The following FBXO15 variants were observed in gnomAD, a reference collection of about 807,000 sequenced individuals.
The protein encoded by FBXO15 is F-box protein 15, also known as F-box only protein 15.
A neutral mutation model predicts 49.5 loss-of-function variants in FBXO15; 30 were observed. That is an observed-to-expected ratio of 0.61 (90% CI 0.45 to 0.82). The LOEUF is 0.82. Ranked by LOEUF, FBXO15 falls within the 40% of genes least tolerant of loss-of-function variation. FBXO15 has a pLI of 0.00. For synonymous variants in FBXO15, 250 were observed against 232.7 expected, an observed-to-expected ratio of 1.07 and a Z score of -0.68; for missense variants, 591 against 631.5, an observed-to-expected ratio of 0.94 and a Z score of 0.69.
chr18:74,136,907 G>C (rs1192676063), intron 2 of FBXO15, among the ~76,000 whole-genome samples: 1 of 152,054 alleles, frequency 6.6e-6, no homozygotes, highest in Non-Finnish European at 1.5e-5. Flanking sequence ...AATTTAAAAG[G>C]GCTTGCCCAT....
intron 8 of FBXO15, 115 bp downstream of exon 8, chr18:74,123,253 G>A: frequency 1.7e-6 from 2 of 1,148,966 alleles, no homozygotes; most frequent in Non-Finnish European, 2.5e-6. Flanking sequence ...GAGGATACTG[G>A]TGCCAAAAGA....
intron 8 of FBXO15, 54 bp from the exon 9 acceptor site, chr18:74,082,105 C>G: frequency 6.3e-7 from 1 of 1,588,928 alleles, no homozygotes; most frequent in African/African-American, 1.4e-5. Context: ...AGATGACAAA[C>G]CAAGCACGTT....
intron 7 of FBXO15, among the ~76,000 whole-genome samples, chr18:74,123,718 T>C (rs1914571568): frequency 6.6e-6 from 1 of 152,032 alleles, no homozygotes; most frequent in Non-Finnish European, 1.5e-5. Flanking sequence ...AAACAGGCAA[T>C]GATGTGAGTT....
At chr18:74,119,194 G>C (rs1308446335) in intron 8 of FBXO15, among the ~76,000 whole-genome samples, 1 of 152,208 alleles carries the variant, frequency 6.6e-6, no homozygotes, top group African/African-American at 2.4e-5. Context: ...TCCTCTAGAG[G>C]CAACAGAGAA....
At chr18:74,121,677 C>T (rs1020067839) in intron 8 of FBXO15, among the ~76,000 whole-genome samples, 7 of 152,058 alleles carry the variant, frequency 4.6e-5, no homozygotes, top group East Asian at 3.9e-4. Context: ...CAGATCCCAC[C>T]GACCAAGTAA....
At chr18:74,111,826 A>G (rs923865300) in intron 8 of FBXO15, among the ~76,000 whole-genome samples, 14 of 152,172 alleles carry the variant, frequency 9.2e-5, no homozygotes, top group African/African-American at 3.1e-4. Flanking sequence ...GAGAATACAA[A>G]TTGTTAATAT....
chr18:74,089,057 G>A (rs1048197788), intron 8 of FBXO15, among the ~76,000 whole-genome samples: 1 of 152,098 alleles, frequency 6.6e-6, no homozygotes, highest in African/African-American at 2.4e-5. Context: ...ATGGTGGTTT[G>A]CTGCACCTAT....
At chr18:74,106,259 C>G (rs1470262350) in intron 8 of FBXO15, among the ~76,000 whole-genome samples, 1 of 152,036 alleles carries the variant, frequency 6.6e-6, no homozygotes, top group South Asian at 2.1e-4. Context: ...AAGAGTAGAA[C>G]TTACCATATT....
At position 74,074,224 on chromosome 18, in the gene FBXO15, G is replaced by A. The variant is rs942390130; in HGVS notation, c.1264-494C>T. On this transcript the variant is annotated intron_variant, in intron 9 of 9. Transcript: ENST00000419743. This position sits in a 1 kb window ranked among gnomAD's most constrained non-coding sequence, Gnocchi z 4.7. ...CTCTGAACTGCAGCTCTGCACCCAT[G>A]CTCCATGCCTGTCTCTGACATGTGC... 2.0e-5 allele frequency among the ~76,000 whole-genome samples: 3 copies of A among 152,134 alleles called. No individual in the cohort carries two copies. The highest frequency in any genetic ancestry group is 2.9e-5 in the Non-Finnish European group (2 of 68,028).
intron 2 of FBXO15, among the ~76,000 whole-genome samples, chr18:74,139,398 C>T (rs771005353): frequency 6.6e-6 from 1 of 152,156 alleles, no homozygotes; most frequent in Non-Finnish European, 1.5e-5. Flanking sequence ...ATATCAGATG[C>T]CTGTAAAACA....
chr18:74,096,004 C>A (rs1913254931), intron 8 of FBXO15, among the ~76,000 whole-genome samples: 1 of 152,018 alleles, frequency 6.6e-6, no homozygotes, highest in Non-Finnish European at 1.5e-5. Context: ...TCTGTGACAC[C>A]CCTCCCCCGA....
chr18:74,143,482 T>C (rs570063920), intron 1 of FBXO15, among the ~76,000 whole-genome samples: 26 of 152,314 alleles, frequency 1.7e-4, no homozygotes, highest in African/African-American at 5.5e-4. Flanking sequence ...AAATCTGATA[T>C]TGGAATCCAG....
At chr18:74,135,936 AAAC>A (rs1978691152) in intron 2 of FBXO15, 70 bp from the exon 3 acceptor site, 4 of 1,266,962 alleles carry the variant, frequency 3.2e-6, no homozygotes, top group South Asian at 2.7e-5. Context: ...ATTACCCAGA[AAAC>A]AACTGGCTGC....
chr18:74,127,885 T>A (rs1978295181), intron 5 of FBXO15, among the ~76,000 whole-genome samples: 1 of 152,254 alleles, frequency 6.6e-6, no homozygotes, highest in African/African-American at 2.4e-5. Context: ...TTTGAATTAA[T>A]GTTAGCCAGT....
At chr18:74,086,189 G>A (rs545183967) in intron 8 of FBXO15, among the ~76,000 whole-genome samples, 1 of 151,984 alleles carries the variant, frequency 6.6e-6, no homozygotes, top group African/African-American at 2.4e-5. Context: ...TATCAAGATG[G>A]AACGAAAAGT....
intron 3 of FBXO15, among the ~76,000 whole-genome samples, chr18:74,132,543 G>A (rs188611214): frequency 1.3e-5 from 2 of 152,244 alleles, no homozygotes; most frequent in African/African-American, 4.8e-5. Context: ...ATTACTTACC[G>A]TAAGTGAACC....
chr18:74,120,856 GA>G (rs80189746), intron 8 of FBXO15, among the ~76,000 whole-genome samples: 1 of 150,950 alleles, frequency 6.6e-6, no homozygotes, highest in African/African-American at 2.4e-5. Context: ...AAATAATACA[GA>G]AAAAAAGGCA....
intron 8 of FBXO15, among the ~76,000 whole-genome samples, chr18:74,084,214 C>T (rs1912626088): frequency 6.6e-6 from 1 of 152,254 alleles, no homozygotes; most frequent in African/African-American, 2.4e-5. Context: ...AAGCAGGATA[C>T]ACTGGGGAAT....
chr18:74,142,224 A>T (rs1381553449), intron 1 of FBXO15, among the ~76,000 whole-genome samples: 1 of 152,190 alleles, frequency 6.6e-6, no homozygotes, highest in Non-Finnish European at 1.5e-5. Flanking sequence ...AAGAAATGCT[A>T]ATTGGGACAT....
Sources: allele counts gnomAD v4.1 joint callset (sites outside exome capture counted in the v4.1 genomes callset), GRCh38; gene constraint gnomAD v4.1.1; non-coding constraint Gnocchi (gnomAD v3.1); transcripts MANE v1.5; gene names NCBI Gene and HGNC (gene_info 2026-07-23, HGNC 2026-07-21).